EPHB2: variants seen among roughly 807,000 people sequenced by gnomAD.
The protein encoded by EPHB2 is ephrin type-B receptor 2.
EPHB2 carries 18 observed loss-of-function variants against 96.4 expected under a neutral mutation model. The ratio of observed to expected loss-of-function variants is 0.19; its 90% CI spans 0.13 to 0.28. The LOEUF (loss-of-function observed/expected upper bound fraction) is 0.28. EPHB2 is among the 10% of genes least tolerant of loss of function. The probability of loss-of-function intolerance (pLI) is 1.00; values close to 1 mark genes in which losing one functional copy is unlikely to be tolerated. For synonymous variants in EPHB2, 506 were observed against 534.1 expected (o/e 0.95, Z 0.72); for missense variants, 989 against 1,355.4 (o/e 0.73, Z 4.25).
At chr1:22,896,240 A>G (rs1229347816) in intron 8 of EPHB2, among the ~76,000 whole-genome samples, 174 bp from the exon 9 acceptor site, 2 of 151,956 alleles carry the variant, frequency 1.3e-5, no homozygotes, top group African/African-American at 4.8e-5. Flanking sequence ...GAGAACCTGG[A>G]CTTGAGGTGG....
At chr1:22,849,948 G>A (rs949952168) in intron 3 of EPHB2, among the ~76,000 whole-genome samples, 1 of 152,212 alleles carries the variant, frequency 6.6e-6, no homozygotes, top group Non-Finnish European at 1.5e-5. Context: ...TCCCCGGGGG[G>A]TCCGGGGGTT....
chr1:22,741,689 C>CAAAAAAAAACAA (rs1553160119), intron 1 of EPHB2, among the ~76,000 whole-genome samples: 1 of 126,562 alleles, frequency 7.9e-6, no homozygotes, highest in East Asian at 2.3e-4. Context: ...CAAAAAAAAA[C>CAAAAAAAAACAA]AAAAAAACAA....
rs1639442790 is a variant in EPHB2 at position 22,893,004 on chromosome 1, G to A, written c.1549G>A (p.Gly517Arg). ...QVRARTVAGY[G>R]RYSGKMYFQT... ...GCGGGCACGCACCGTGGCAGGTTAC[G>A]GGCGCTACAGCGGCAAGATGTACTT... The change falls in exon 7 of 16, where the codon GGG (glycine) becomes AGG (arginine). Residue 517 changes from glycine (G) to arginine (R), a missense_variant. Gly to Arg is a moderately radical substitution (Grantham distance 125, BLOSUM62 -2). Transcript: ENST00000374630. 4 of 1,614,114 alleles carry A rather than the reference G, an allele frequency of 2.5e-6. No individual in the cohort carries two copies. The highest frequency in any genetic ancestry group is 1.1e-5 in the South Asian group (1 of 91,088).
chr1:22,912,413 G>C, intron 14 of EPHB2, 31 bp from the exon 15 acceptor site: 1 of 1,613,236 alleles, frequency 6.2e-7, no homozygotes, highest in Non-Finnish European at 8.5e-7. Flanking sequence ...CAGGTGCCCT[G>C]ACCATCTCTG....
intron 1 of EPHB2, among the ~76,000 whole-genome samples, chr1:22,776,425 G>A (rs1014371302): frequency 6.6e-6 from 1 of 152,232 alleles, no homozygotes; most frequent in Admixed American, 6.5e-5. Flanking sequence ...TAGCCACATA[G>A]TGTGGTGATT....
intron 9 of EPHB2, 26 bp from the exon 10 acceptor site, chr1:22,905,961 T>G: frequency 1.9e-6 from 3 of 1,614,162 alleles, no homozygotes; most frequent in Non-Finnish European, 2.5e-6. Flanking sequence ...TCAGTCCATA[T>G]GACAGAGCCT....
In EPHB2 at chr1:22,913,551, T is replaced by G. The variant is rs1640178453; in HGVS notation, c.2942T>G (p.Ile981Ser). The G allele has an allele frequency of 3.1e-6, 5 of 1,614,008 alleles. No individual in the cohort carries two copies. Among genetic ancestry groups the G allele is most frequent in the Non-Finnish European group, 4.2e-6 (5 of 1,180,026 alleles). ...IQVMRAQMNQ[I>S]QSVEV ...GTGATGCGGGCGCAGATGAACCAGATTCAGTCTGTGGAGGTTTGACATTCA... is the reference window on the plus strand; with the variant it reads ...GTGATGCGGGCGCAGATGAACCAGAGTCAGTCTGTGGAGGTTTGACATTCA... Residue 981 changes from isoleucine (I) to serine (S), a missense_variant, in exon 16 of 16, where the codon ATT becomes AGT. By Grantham distance (142) the Ile-to-Ser change is moderately radical (BLOSUM62 -2). Coordinates refer to ENST00000374630, the MANE Select transcript of EPHB2 (RefSeq NM_017449.5). This position sits in a 1 kb window ranked among gnomAD's most constrained non-coding sequence, Gnocchi z 4.1.
At chr1:22,895,848 G>A (rs1269949413) in intron 8 of EPHB2, among the ~76,000 whole-genome samples, 1 of 152,260 alleles carries the variant, frequency 6.6e-6, no homozygotes, top group Non-Finnish European at 1.5e-5. Context: ...CAGTGGGCAA[G>A]AAAGATTGCA....
intron 3 of EPHB2, among the ~76,000 whole-genome samples, chr1:22,823,111 C>G (rs991409962): frequency 6.6e-6 from 1 of 152,236 alleles, no homozygotes; most frequent in Non-Finnish European, 1.5e-5. Flanking sequence ...CAAGTTAGCT[C>G]TGCCACATCC....
chr1:22,727,989 G>A (rs1382960270), intron 1 of EPHB2, among the ~76,000 whole-genome samples: 2 of 151,834 alleles, frequency 1.3e-5, no homozygotes, highest in Non-Finnish European at 2.9e-5. Flanking sequence ...CCTCTTGAGA[G>A]TAAGGTGGAA....
chr1:22,716,196 C>T (rs1298292206), intron 1 of EPHB2, among the ~76,000 whole-genome samples: 1 of 152,208 alleles, frequency 6.6e-6, no homozygotes, highest in African/African-American at 2.4e-5. Flanking sequence ...CATCTGGGGT[C>T]CCTAAGCCTC....
At chr1:22,841,512 C>G (rs1439178378) in intron 3 of EPHB2, among the ~76,000 whole-genome samples, 1 of 152,172 alleles carries the variant, frequency 6.6e-6, no homozygotes, top group East Asian at 1.9e-4. Flanking sequence ...CAGAGACTTC[C>G]CTCTCTGAGC....
chr1:22,739,539 C>T (rs1355977904), intron 1 of EPHB2, among the ~76,000 whole-genome samples: 2 of 152,150 alleles, frequency 1.3e-5, no homozygotes, highest in Non-Finnish European at 1.5e-5. Context: ...GGCTTCTAGA[C>T]TTAGCTCTGC....
At chr1:22,840,160 A>G (rs4655127) in intron 3 of EPHB2, among the ~76,000 whole-genome samples, 20,751 of 152,236 alleles carry the variant, frequency 0.14, 1,675 homozygotes, top group Admixed American at 0.2. Flanking sequence ...CCTTTGCAAA[A>G]TGGGAGAAAT....
chr1:22,832,953 CAG>C (rs1645327674), intron 3 of EPHB2, among the ~76,000 whole-genome samples: 1 of 152,132 alleles, frequency 6.6e-6, no homozygotes, highest in Non-Finnish European at 1.5e-5. Context: ...TGTATACAGA[CAG>C]GGAGAATGTT....
Position 22,879,469 on chromosome 1 carries a change from C to G in EPHB2, c.1304-2890C>G, listed in dbSNP as rs77859725. On this transcript the variant is annotated intron_variant, in intron 5 of 15. Coordinates refer to ENST00000374630, the MANE Select transcript of EPHB2 (RefSeq NM_017449.5). ...CGGCAGTCCAGGAGAGCAGAACACTCAACTCCTCACAAAGGCAGTTCCACG... is the reference window on the plus strand; with the variant it reads ...CGGCAGTCCAGGAGAGCAGAACACTGAACTCCTCACAAAGGCAGTTCCACG... 3.4e-3 allele frequency among the ~76,000 whole-genome samples: 524 copies of G among 152,296 alleles called. 4 individuals are homozygous for G. Among genetic ancestry groups the G allele is most frequent in the African/African-American group, 0.012 (509 of 41,574 alleles).
intron 1 of EPHB2, among the ~76,000 whole-genome samples, chr1:22,750,820 C>T (rs943478603): frequency 6.6e-6 from 1 of 152,140 alleles, no homozygotes; most frequent in Non-Finnish European, 1.5e-5. Context: ...TGCTATTATC[C>T]ACCTTCCAGA....
At chr1:22,813,522 A>T (rs1320310067) in intron 3 of EPHB2, among the ~76,000 whole-genome samples, 4 of 152,198 alleles carry the variant, frequency 2.6e-5, no homozygotes, top group African/African-American at 9.6e-5. Flanking sequence ...TGACCTCGAG[A>T]TGAGCAGCTG....
chr1:22,878,350 C>T (rs1232146613), intron 5 of EPHB2, among the ~76,000 whole-genome samples: 4 of 152,252 alleles, frequency 2.6e-5, no homozygotes. Context: ...ACTTCTGAGT[C>T]TTACAGCTTC....
Sources: allele counts gnomAD v4.1 joint callset (sites outside exome capture counted in the v4.1 genomes callset), GRCh38; gene constraint gnomAD v4.1.1; non-coding constraint Gnocchi (gnomAD v3.1); transcripts MANE v1.5; gene names NCBI Gene and HGNC (gene_info 2026-07-23, HGNC 2026-07-21).